POLD1: variants seen among roughly 807,000 people sequenced by gnomAD.
POLD1 encodes the protein DNA polymerase delta 1, catalytic subunit.
Under a neutral mutation model 129.7 loss-of-function variants are expected in POLD1, and 79 were observed. That is an observed-to-expected ratio of 0.61 (90% CI 0.51 to 0.73). POLD1 has a LOEUF of 0.73. POLD1 is among the 30% of genes least tolerant of loss of function. POLD1 has a pLI of 0.00. For synonymous variants in POLD1, 714 were observed against 683.3 expected, an observed-to-expected ratio of 1.04 and a Z score of -0.70; for missense variants, 1,338 against 1,595.8, an observed-to-expected ratio of 0.84 and a Z score of 2.75.
At chr19:50,389,805 C>T (rs989810088) in intron 1 of POLD1, among the ~76,000 whole-genome samples, 1 of 151,252 alleles carries the variant, frequency 6.6e-6, no homozygotes, top group South Asian at 2.1e-4. Flanking sequence ...AGGCTGGTCT[C>T]GAACCCCTGA....
chr19:50,396,456 A>G (rs1156931351), intron 1 of POLD1, among the ~76,000 whole-genome samples: 1 of 151,176 alleles, frequency 6.6e-6, no homozygotes, highest in Non-Finnish European at 1.5e-5. Context: ...TATCTTGTCA[A>G]AATACACCCC....
At chr19:50,392,443 G>A (rs1198258158) in intron 1 of POLD1, among the ~76,000 whole-genome samples, 2 of 152,052 alleles carry the variant, frequency 1.3e-5, no homozygotes, top group African/African-American at 2.4e-5. Context: ...TTACAGACCA[G>A]TGTTGTCACC....
chr19:50,399,396 T>C lies in POLD1; in HGVS notation c.228T>C (p.Asp76=), dbSNP rs760418969. 6.2e-7 allele frequency: 1 copy of C among 1,614,028 alleles called. No homozygotes were observed. Residue 76 remains aspartate (D), a synonymous_variant, in exon 3 of 27, where the codon GAT becomes GAC. Transcript: ENST00000440232. ...ADGQVPPSAI[D]PRWLRPTPPA... is the part of the protein sequence containing the mutation. ...GGCAGGTCCCACCATCAGCCATAGA[T>C]CCTCGCTGGCTTCGGCCCACACCAC...
At chr19:50,401,635 G>T in intron 3 of POLD1, 143 bp from the exon 4 acceptor site, 15 of 852,500 alleles carry the variant, frequency 1.8e-5, no homozygotes, top group Middle Eastern at 3.6e-4. Flanking sequence ...TGGGAACCAG[G>T]GGGGAGGCTG....
chr19:50,385,256 T>C (rs1314739905), intron 1 of POLD1, among the ~76,000 whole-genome samples: 3 of 152,040 alleles, frequency 2.0e-5, no homozygotes, highest in African/African-American at 7.2e-5. Flanking sequence ...CAGGCTCCGG[T>C]TACCTTTGCG....
chr19:50,388,404 A>G (rs2695124), intron 1 of POLD1, among the ~76,000 whole-genome samples: 7,986 of 152,256 alleles, frequency 0.052, 694 homozygotes, highest in African/African-American at 0.18. Context: ...AGCTCTCCTT[A>G]TAGAATGATG....
At position 50,412,559 on chromosome 19, in the gene POLD1, A is replaced by C. The variant is rs150537639; in HGVS notation, c.2155-867A>C. ...GGAACAAGTAAAAGCTAGACAGTAA[A>C]GTGGTAGACGTAAGCCCAGCTATAT... On this transcript the variant is annotated intron_variant, in intron 17 of 26. Transcript: ENST00000440232. Among the ~76,000 whole-genome samples, 3 of 152,332 alleles carry C rather than the reference A, an allele frequency of 2.0e-5. No homozygotes were observed. The East Asian group carries it at 5.8e-4, about 29-fold the overall frequency.
At chr19:50,392,538 C>T (rs942908302) in intron 1 of POLD1, among the ~76,000 whole-genome samples, 44 of 151,472 alleles carry the variant, frequency 2.9e-4, no homozygotes, top group Middle Eastern at 6.9e-3. Flanking sequence ...AGTGCAGTGG[C>T]GTGATCGCAG....
At position 50,402,074 on chromosome 19, in the gene POLD1, G is replaced by A. The variant is rs1421550547; in HGVS notation, c.539G>A (p.Arg180Lys). The A allele has an allele frequency of 6.2e-7, 1 of 1,613,940 alleles. No individual in the cohort carries two copies. Among genetic ancestry groups the A allele is most frequent in the Non-Finnish European group, 8.5e-7 (1 of 1,179,998 alleles). Reference sequence around the variant, plus strand: ...ATCAGCCGGGACAGTCGCGGGGGGAGGGAGCTGACTGGGCCGGCCGTGCTG... The same window carrying A: ...ATCAGCCGGGACAGTCGCGGGGGGAAGGAGCTGACTGGGCCGGCCGTGCTG... The part of the protein sequence containing the change: ...LAISRDSRGG[R>K]ELTGPAVLAV... The change falls in exon 5 of 27, where the codon AGG becomes AAG. Residue 180 changes from arginine to lysine, a missense_variant. Transcript: ENST00000440232.
At chr19:50,392,914 A>G (rs566967346) in intron 1 of POLD1, among the ~76,000 whole-genome samples, 3 of 152,366 alleles carry the variant, frequency 2.0e-5, no homozygotes, top group Admixed American at 2.0e-4. Context: ...AACCTTCCCT[A>G]TCAGTACACA....
chr19:50,386,295 G>A (rs1017647107), intron 1 of POLD1, among the ~76,000 whole-genome samples: 6 of 151,800 alleles, frequency 4.0e-5, no homozygotes, highest in South Asian at 2.1e-4. Flanking sequence ...GTGCCACCAC[G>A]CCCAGCTAAT....
intron 10 of POLD1, among the ~76,000 whole-genome samples, chr19:50,403,811 G>A (rs568705683): frequency 4.6e-5 from 7 of 152,330 alleles, no homozygotes; most frequent in Non-Finnish European, 7.3e-5. Context: ...AGGGCGTTAC[G>A]GTGGAGTAAG....
chr19:50,417,147 C>A (rs2122505778), intron 25 of POLD1, 25 bp from the exon 26 acceptor site: 1 of 1,576,460 alleles, frequency 6.3e-7, no homozygotes, highest in South Asian at 1.2e-5. Flanking sequence ...GCGGGGGCGC[C>A]CTGCTCAGCC....
chr19:50,411,156 C>G (rs906639273), intron 17 of POLD1: 2 of 152,110 alleles, frequency 1.3e-5, no homozygotes, highest in African/African-American at 4.8e-5. Context: ...GCCATGTTGC[C>G]CAGGCTGGAA....
At position 50,415,831 on chromosome 19, in the gene POLD1, G is replaced by T; in HGVS notation, c.2820+5G>T. 6.7e-7 allele frequency: 1 copy of T among 1,485,064 alleles called. No homozygotes were observed. 92.0% of individuals were successfully genotyped at this position (1,485,064 alleles called of 1,614,324 possible). A position where few individuals can be genotyped will look rare whatever the true frequency, so the allele number is the denominator to read the frequency against. On this transcript the variant is annotated splice_donor_5th_base_variant and intron_variant, in intron 22 of 26. Transcript: ENST00000440232. Reference sequence around the variant, plus strand: ...GCCGCCTACATGAAGTCGGAGGTCAGGCCCACCTGGCTGCCTGCTCCCGCC... The same window carrying T: ...GCCGCCTACATGAAGTCGGAGGTCATGCCCACCTGGCTGCCTGCTCCCGCC...
intron 8 of POLD1, 87 bp downstream of exon 8, chr19:50,402,828 A>T: frequency 6.6e-7 from 1 of 1,511,620 alleles, no homozygotes; most frequent in Admixed American, 1.9e-5. Context: ...GGGAATGGCA[A>T]GCATGAAGGT....
At chr19:50,414,762 G>C (rs1601240620) in intron 19 of POLD1, 53 bp from the exon 20 acceptor site, 1 of 1,400,364 alleles carries the variant, frequency 7.1e-7, no homozygotes, top group Non-Finnish European at 9.5e-7. Flanking sequence ...GGCGTCTCCA[G>C]ATTGGGGCTT....
rs1038164521 is a variant in POLD1, at chr19:50,403,589, A to G, written c.1234A>G (p.Thr412Ala). Residue 412 changes from threonine (T) to alanine (A), a missense_variant, in exon 10 of 27, where the codon ACC becomes GCC. Physicochemically the swap from Thr to Ala is moderately conservative, Grantham distance 58. This residue lies in a region of POLD1 where 720 missense variants were observed against 1,002.6 expected (regional missense o/e 0.72). Transcript: ENST00000440232. Reference sequence around the variant, plus strand: ...TCCGTACCTCATCTCTCGGGCCCAGACCCTCAAGGTGAGGGCTGGGCAGGT... The same window carrying G: ...TCCGTACCTCATCTCTCGGGCCCAGGCCCTCAAGGTGAGGGCTGGGCAGGT... The part of the protein sequence containing the change: ...DLPYLISRAQ[T>A]LKVQTFPFLG... The G allele has an allele frequency of 1.2e-6, 2 of 1,605,834 alleles. No homozygotes were observed. Among genetic ancestry groups the G allele is most frequent in the Admixed American group, 3.3e-5 (2 of 59,978 alleles).
Position 50,401,885 on chromosome 19 carries a change from C to T in POLD1, c.424C>T (p.His142Tyr). The T allele has an allele frequency of 6.2e-7, 1 of 1,614,040 alleles. No homozygotes were observed. The change falls in exon 4 of 27, where the codon CAC becomes TAC. Residue 142 changes from histidine to tyrosine, a missense_variant. Physicochemically the swap from His to Tyr is moderately conservative, Grantham distance 83. Coordinates refer to ENST00000440232, the MANE Select transcript of POLD1 (RefSeq NM_002691.4). ...GGGGTTCTCTGTCTGCTGCCACATCCACGGCTTCGCTCCCTACTTCTACAC... is the reference window on the plus strand; with the variant it reads ...GGGGTTCTCTGTCTGCTGCCACATCTACGGCTTCGCTCCCTACTTCTACAC... ...DEGFSVCCHI[H>Y]GFAPYFYTPA... is the part of the protein sequence containing the mutation.
Sources: allele counts gnomAD v4.1 joint callset (sites outside exome capture counted in the v4.1 genomes callset), GRCh38; gene constraint gnomAD v4.1.1; regional missense constraint gnomAD v4.1.1; transcripts MANE v1.5; gene names NCBI Gene and HGNC (gene_info 2026-07-23, HGNC 2026-07-21).